The following ADAMTS16 variants were observed in gnomAD, a reference collection of about 807,000 sequenced individuals.
ADAMTS16 encodes the protein ADAM metallopeptidase with thrombospondin type 1 motif 16.
ADAMTS16 carries 94 observed loss-of-function variants against 145.8 expected under a neutral mutation model. The observed-to-expected ratio is 0.64, with a 90% CI of 0.55 to 0.77. ADAMTS16 has a LOEUF of 0.77. Among genes scored for constraint, ADAMTS16 ranks in the 30% least tolerant of loss-of-function variants. ADAMTS16 has a pLI of 0.00. For synonymous variants in ADAMTS16, 659 were observed against 604.3 expected (o/e 1.09, Z -1.33); for missense variants, 1,585 against 1,591.5 (o/e 1.00, Z 0.07).
intron 10 of ADAMTS16, among the ~76,000 whole-genome samples, chr5:5,217,686 TG>T (rs1390772909): frequency 1.3e-5 from 2 of 152,334 alleles, no homozygotes; most frequent in East Asian, 3.9e-4. Flanking sequence ...TTACTGAAAT[TG>T]GTTTTTGTGA....
intron 3 of ADAMTS16, among the ~76,000 whole-genome samples, chr5:5,168,229 T>C (rs1734934861): frequency 6.6e-6 from 1 of 152,088 alleles, no homozygotes; most frequent in African/African-American, 2.4e-5. Flanking sequence ...GACCTTTTAA[T>C]ATTTTCCTTC....
chr5:5,187,684 T>C (rs751466415), intron 5 of ADAMTS16, 41 bp from the exon 6 acceptor site: 1 of 1,413,262 alleles, frequency 7.1e-7, no homozygotes, highest in South Asian at 1.2e-5. Flanking sequence ...GGGGGGAAAA[T>C]GCCATTTATG....
intron 10 of ADAMTS16, among the ~76,000 whole-genome samples, chr5:5,217,718 A>G (rs1363774965): frequency 1.3e-5 from 2 of 152,232 alleles, no homozygotes; most frequent in African/African-American, 2.4e-5. Context: ...TAAATTATGG[A>G]CTAGAATAAA....
chr5:5,199,908 G>A (rs1393351242), intron 8 of ADAMTS16, among the ~76,000 whole-genome samples: 1 of 152,148 alleles, frequency 6.6e-6, no homozygotes, highest in Non-Finnish European at 1.5e-5. Context: ...TATGATATTG[G>A]TGTACACTTT....
intron 18 of ADAMTS16, among the ~76,000 whole-genome samples, chr5:5,295,064 C>A (rs1035810273): frequency 6.6e-6 from 1 of 152,156 alleles, no homozygotes; most frequent in African/African-American, 2.4e-5. Context: ...GACACAAATG[C>A]GCATTCATTT....
chr5:5,218,241 T>C (rs1736491811), intron 10 of ADAMTS16, among the ~76,000 whole-genome samples: 1 of 152,218 alleles, frequency 6.6e-6, no homozygotes, highest in South Asian at 2.1e-4. Context: ...TTTTTCTATT[T>C]AATGTTTATG....
intron 10 of ADAMTS16, among the ~76,000 whole-genome samples, chr5:5,217,411 G>T (rs995493115): frequency 6.6e-6 from 1 of 152,188 alleles, no homozygotes; most frequent in South Asian, 2.1e-4. Flanking sequence ...AGAGTGAACA[G>T]GTCATGAAAT....
intron 20 of ADAMTS16, among the ~76,000 whole-genome samples, chr5:5,305,166 T>C (rs1438615484): frequency 1.7e-4 from 4 of 23,412 alleles, no homozygotes; most frequent in Admixed American, 5.2e-4. Flanking sequence ...CACACACATA[T>C]CCCACACCAC....
chr5:5,281,805 T>G (rs1738924893), intron 18 of ADAMTS16, among the ~76,000 whole-genome samples: 2 of 152,218 alleles, frequency 1.3e-5, no homozygotes, highest in African/African-American at 4.8e-5. Flanking sequence ...TGAAAGTGTA[T>G]TTCACAGACT....
At chr5:5,204,303 A>T (rs2126596948) in intron 9 of ADAMTS16, among the ~76,000 whole-genome samples, 1 of 152,332 alleles carries the variant, frequency 6.6e-6, no homozygotes, top group South Asian at 2.1e-4. Context: ...ACCTTCCTTA[A>T]TGTGTTCATT....
chr5:5,306,301 G>A (rs564966807), intron 20 of ADAMTS16, among the ~76,000 whole-genome samples: 1 of 152,250 alleles, frequency 6.6e-6, no homozygotes, highest in African/African-American at 2.4e-5. Flanking sequence ...TATGCCCCAT[G>A]ATGCTGTGCC....
intron 18 of ADAMTS16, among the ~76,000 whole-genome samples, chr5:5,292,770 G>A (rs925679302): frequency 6.6e-6 from 1 of 152,020 alleles, no homozygotes; most frequent in Non-Finnish European, 1.5e-5. Flanking sequence ...ACCTTTCACT[G>A]TTGACTTCCT....
intron 17 of ADAMTS16, among the ~76,000 whole-genome samples, chr5:5,246,044 A>G (rs1205461883): frequency 6.6e-6 from 1 of 152,236 alleles, no homozygotes; most frequent in East Asian, 1.9e-4. Flanking sequence ...TCTCTGAGAC[A>G]GAGACTTTTT....
intron 17 of ADAMTS16, among the ~76,000 whole-genome samples, chr5:5,255,831 C>T (rs769111273): frequency 6.6e-6 from 1 of 152,318 alleles, no homozygotes; most frequent in African/African-American, 2.4e-5. Flanking sequence ...TCAGATCCCT[C>T]TTTCTGCTTT....
chr5:5,211,805 CAT>C (rs1413012617), intron 10 of ADAMTS16, among the ~76,000 whole-genome samples: 1 of 152,104 alleles, frequency 6.6e-6, no homozygotes, highest in Admixed American at 6.5e-5. Flanking sequence ...CATTAACCAA[CAT>C]ATTACGTAGA....
At chr5:5,143,367 CAT>C (rs1477068320) in intron 2 of ADAMTS16, among the ~76,000 whole-genome samples, 5 of 152,214 alleles carry the variant, frequency 3.3e-5, no homozygotes, top group Non-Finnish European at 5.9e-5. Context: ...GGCCAACAAA[CAT>C]ATGAAAAAAA....
chr5:5,206,418 TCCG>T (rs1736118310), intron 9 of ADAMTS16, among the ~76,000 whole-genome samples: 3 of 28,484 alleles, frequency 1.1e-4, no homozygotes, highest in African/African-American at 5.2e-4. Flanking sequence ...AGAGCGAGAC[TCCG>T]TCTCAAAAAA....
At chr5:5,311,900 G>A (rs1020644643) in intron 21 of ADAMTS16, among the ~76,000 whole-genome samples, 1 of 151,926 alleles carries the variant, frequency 6.6e-6, no homozygotes, top group African/African-American at 2.4e-5. Flanking sequence ...GTATTTTTTA[G>A]TACAGTTGGG....
At chr5:5,220,350 G>A (rs1157781250) in intron 10 of ADAMTS16, among the ~76,000 whole-genome samples, 7 of 145,354 alleles carry the variant, frequency 4.8e-5, no homozygotes, top group Non-Finnish European at 7.4e-5. Flanking sequence ...TAGTAGAGAC[G>A]GGTTTCACTG....
Sources: gnomAD v4.1 joint callset for allele counts (sites outside exome capture counted in the v4.1 genomes callset) on GRCh38, gnomAD v4.1.1 for gene constraint, MANE v1.5 for transcripts, NCBI Gene and HGNC (gene_info 2026-07-23, HGNC 2026-07-21) for gene names.